OTOA: variants seen among roughly 807,000 people sequenced by gnomAD.
OTOA encodes cancer/testis antigen 108.
In OTOA, 70 loss-of-function variants were observed where a neutral mutation model predicts 110.8. The observed-to-expected ratio is 0.63, with a 90% CI of 0.52 to 0.77. The LOEUF is 0.77. OTOA is among the 30% of genes least tolerant of loss of function. OTOA has a pLI of 0.00. For missense variants in OTOA, 917 were observed against 1,075.8 expected (o/e 0.85, Z 2.06); for synonymous variants, 373 against 431.5 (o/e 0.86, Z 1.68).
rs1227252874 is a variant in OTOA at position 21,685,321 on chromosome 16, C to A, written c.359C>A (p.Thr120Asn). 6.2e-7 allele frequency: 1 copy of A among 1,613,174 alleles called. No individual in the cohort carries two copies. The change falls in exon 7 of 29, where the codon ACT becomes AAT. Residue 120 changes from threonine to asparagine, a missense_variant. Thr to Asn is a moderately conservative substitution (Grantham distance 65). This residue lies in a region of OTOA where 840 missense variants were observed against 910.2 expected (regional missense o/e 0.92). Coordinates refer to ENST00000646100, the MANE Select transcript of OTOA (RefSeq NM_144672.4). Reference protein sequence around the residue: ...LRKTDAQQFRTAMKCLLEDKK... With the variant: ...LRKTDAQQFRNAMKCLLEDKK... ...AAGACAGACGCCCAGCAGTTCCGCA[C>A]TGCCATGAAATGCCTCTTAGAAGAC...
chr16:21,735,649 A>G (rs758420811), intron 21 of OTOA, among the ~76,000 whole-genome samples: 1 of 152,124 alleles, frequency 6.6e-6, no homozygotes. Flanking sequence ...GCTGGAGTGC[A>G]GTGGCATGCT....
intron 13 of OTOA, among the ~76,000 whole-genome samples, chr16:21,712,607 G>A (rs1426102636): frequency 6.6e-6 from 1 of 151,718 alleles, no homozygotes; most frequent in Non-Finnish European, 1.5e-5. Flanking sequence ...TTGGGAGGCC[G>A]AGACAGGCAG....
Position 21,686,779 on chromosome 16 carries a change from GC to G in OTOA, c.400-633del, listed in dbSNP as rs1347744285. 2.0e-5 allele frequency among the ~76,000 whole-genome samples: 3 copies of G among 152,254 alleles called. No individual in the cohort carries two copies. In the South Asian group the frequency reaches 6.2e-4, roughly 32 times the overall value. ...ATGGTGGTGTGTGCCTGTAGTCCCA[GC>G]TACTTGGGAGGCTGAGGTGGGAGGA... On this transcript the variant is annotated intron_variant, in intron 7 of 28. Transcript: ENST00000646100.
chr16:21,723,271 G>A (rs1217248800), intron 18 of OTOA, among the ~76,000 whole-genome samples: 1 of 151,972 alleles, frequency 6.6e-6, no homozygotes, highest in Non-Finnish European at 1.5e-5. Flanking sequence ...GGCTGTGCCA[G>A]GCTCCAGGGG....
chr16:21,719,340 T>G, intron 16 of OTOA, 47 bp from the exon 17 acceptor site: 1 of 1,586,100 alleles, frequency 6.3e-7, no homozygotes, highest in Non-Finnish European at 8.7e-7. Context: ...TTCTTTCCTC[T>G]CCTCCTCACT....
At chr16:21,707,665 TTC>T (rs1400323233) in intron 12 of OTOA, among the ~76,000 whole-genome samples, 1 of 137,354 alleles carries the variant, frequency 7.3e-6, no homozygotes, top group South Asian at 2.3e-4. Flanking sequence ...TTCTCTTTCT[TTC>T]TCTTTCTGTC....
At position 21,709,950 on chromosome 16, in the gene OTOA, T is replaced by C; in HGVS notation, c.1167T>C (p.Ser389=). The C allele has an allele frequency of 6.2e-7, 1 of 1,614,042 alleles. No individual in the cohort carries two copies. The change falls in exon 13 of 29, where the codon TCT becomes TCC. Residue 389 remains serine, a synonymous_variant. Transcript: ENST00000646100. ...ENQTLNETLG[S]LSDAVVGLTY... is the part of the protein sequence containing the mutation. Reference sequence around the variant, plus strand: ...AGACCCTCAATGAGACCCTGGGTTCTTTGTCGGATGCAGTTGTAGGTTTGA... The same window carrying C: ...AGACCCTCAATGAGACCCTGGGTTCCTTGTCGGATGCAGTTGTAGGTTTGA...
intron 1 of OTOA, among the ~76,000 whole-genome samples, chr16:21,677,479 CTT>C (rs778223383): frequency 6.8e-5 from 8 of 116,882 alleles, no homozygotes; most frequent in East Asian, 2.7e-4. Flanking sequence ...AGCTTCATAT[CTT>C]TTTTTTTTTT....
chr16:21,665,561 C>A (rs1035293495), intron 1 of OTOA, among the ~76,000 whole-genome samples: 2 of 152,032 alleles, frequency 1.3e-5, no homozygotes, highest in Non-Finnish European at 2.9e-5. Flanking sequence ...AAACTGAGTA[C>A]GGTAACCCTT....
intron 1 of OTOA, among the ~76,000 whole-genome samples, chr16:21,674,599 G>A (rs1892178624): frequency 6.6e-6 from 1 of 151,734 alleles, no homozygotes; most frequent in Non-Finnish European, 1.5e-5. Context: ...CTTCCAAAGT[G>A]CTGGGATTAC....
intron 13 of OTOA, among the ~76,000 whole-genome samples, chr16:21,711,040 A>G (rs1898338737): frequency 6.6e-6 from 1 of 152,098 alleles, no homozygotes; most frequent in Non-Finnish European, 1.5e-5. Context: ...AATCAGTAGC[A>G]CTTATCCTGT....
chr16:21,676,876 G>C (rs141672972), intron 1 of OTOA, among the ~76,000 whole-genome samples: 1 of 152,298 alleles, frequency 6.6e-6, no homozygotes, highest in East Asian at 1.9e-4. Context: ...ATAGAGCTCA[G>C]CTTGTTTGCC....
chr16:21,726,745 G>A, intron 19 of OTOA, 87 bp downstream of exon 19: 2 of 1,564,052 alleles, frequency 1.3e-6, no homozygotes, highest in Non-Finnish European at 1.8e-6. Flanking sequence ...CTAGGATCTT[G>A]AGCCTGCTGT....
intron 7 of OTOA, 85 bp downstream of exon 7, chr16:21,685,446 G>A (rs370073132): frequency 1.9e-6 from 3 of 1,564,336 alleles, no homozygotes; most frequent in Non-Finnish European, 2.6e-6. Context: ...GCCTGACTTA[G>A]GCCTTGGCAC....
At position 21,719,187 on chromosome 16, in the gene OTOA, T is replaced by C; in HGVS notation, c.1684T>C (p.Leu562=). Residue 562 remains leucine, a synonymous_variant, in exon 16 of 29, where the codon TTG becomes CTG. Transcript: ENST00000646100. ...LKTTRRPEEL[L]SAGQLVKGVT... is the part of the protein sequence containing the mutation. ...GACCACCAGAAGGCCTGAGGAGCTT[T>C]TGAGGTAGGAAAATGTAACTCGGCC... 6.2e-7 allele frequency: 1 copy of C among 1,614,128 alleles called. No individual in the cohort carries two copies. The highest frequency in any genetic ancestry group is 8.5e-7 in the Non-Finnish European group (1 of 1,180,026).
chr16:21,709,957 G>C lies in OTOA; in HGVS notation c.1174G>C (p.Asp392His). ...CAATGAGACCCTGGGTTCTTTGTCGGATGCAGTTGTAGGTTTGACCTACAG... is the reference window on the plus strand; with the variant it reads ...CAATGAGACCCTGGGTTCTTTGTCGCATGCAGTTGTAGGTTTGACCTACAG... Reference protein sequence around the residue: ...TLNETLGSLSDAVVGLTYSQL... With the variant: ...TLNETLGSLSHAVVGLTYSQL... Residue 392 changes from aspartate (D) to histidine (H), a missense_variant, in exon 13 of 29, where the codon GAT becomes CAT. By Grantham distance (81) the Asp-to-His change is moderately conservative. Around this residue, in one of 6 missense-constraint regions of OTOA, gnomAD observed 840 missense variants for 910.2 expected, o/e 0.92. Coordinates refer to ENST00000646100, the MANE Select transcript of OTOA (RefSeq NM_144672.4). 1 of 1,613,978 alleles carries C rather than the reference G, an allele frequency of 6.2e-7. No homozygotes were observed. Among genetic ancestry groups the C allele is most frequent in the South Asian group, 1.1e-5 (1 of 91,068 alleles).
chr16:21,681,079 C>T (rs1036517675), intron 5 of OTOA, among the ~76,000 whole-genome samples: 3 of 152,166 alleles, frequency 2.0e-5, no homozygotes, highest in Non-Finnish European at 4.4e-5. Context: ...ACACTCCTAA[C>T]TATGCTATTC....
chr16:21,710,192 A>G, intron 13 of OTOA, 89 bp downstream of exon 13: 1 of 1,268,140 alleles, frequency 7.9e-7, no homozygotes, highest in Non-Finnish European at 1.1e-6. Flanking sequence ...TATACTGTAG[A>G]TTGAGTGACG....
intron 1 of OTOA, among the ~76,000 whole-genome samples, chr16:21,671,171 C>G (rs557120183): frequency 6.6e-6 from 1 of 152,240 alleles, no homozygotes; most frequent in East Asian, 1.9e-4. Context: ...GACTTTGTGT[C>G]AAGCCCTGTT....
Sources: allele counts gnomAD v4.1 joint callset (sites outside exome capture counted in the v4.1 genomes callset), GRCh38; gene constraint gnomAD v4.1.1; regional missense constraint gnomAD v4.1.1; transcripts MANE v1.5; gene names NCBI Gene and HGNC (gene_info 2026-07-23, HGNC 2026-07-21).